ETFA: variants seen among roughly 807,000 people sequenced by gnomAD.
ETFA encodes electron transfer flavoprotein subunit alpha.
Under a neutral mutation model 46.2 loss-of-function variants are expected in ETFA, and 22 were observed. That is an observed-to-expected ratio of 0.48 (90% CI 0.34 to 0.68). ETFA has a LOEUF of 0.68. Among genes scored for constraint, ETFA ranks in the 30% least tolerant of loss-of-function variants. The pLI is 0.01. For missense variants in ETFA, 345 were observed against 401.1 expected (o/e 0.86, Z 1.19); for synonymous variants, 131 against 139.9 (o/e 0.94, Z 0.45).
chr15:76,225,663 A>T (rs541774048), intron 11 of ETFA, among the ~76,000 whole-genome samples, 186 bp downstream of exon 11: 1 of 152,224 alleles, frequency 6.6e-6, no homozygotes, highest in Non-Finnish European at 1.5e-5. Context: ...TAAACAACAC[A>T]TATCTACTCT....
chr15:76,273,801 C>T (rs2039566058), intron 9 of ETFA, among the ~76,000 whole-genome samples: 1 of 151,940 alleles, frequency 6.6e-6, no homozygotes, highest in Non-Finnish European at 1.5e-5. Flanking sequence ...ATCTGTATCA[C>T]CTAAGAAATA....
At chr15:76,246,205 C>T (rs1370246100) in intron 9 of ETFA, among the ~76,000 whole-genome samples, 3 of 152,212 alleles carry the variant, frequency 2.0e-5, no homozygotes, top group African/African-American at 7.2e-5. Context: ...TTTAATACTA[C>T]AGTATGAAGT....
intron 1 of ETFA, among the ~76,000 whole-genome samples, chr15:76,301,436 C>T (rs570164043): frequency 1.1e-4 from 17 of 152,214 alleles, no homozygotes; most frequent in Non-Finnish European, 2.2e-4. Context: ...GTTGGCCAGT[C>T]GCAGTGGCTC....
intron 4 of ETFA, among the ~76,000 whole-genome samples, chr15:76,288,920 C>CTTTTTCTTTTTTTTTTT (rs1555458856): frequency 9.1e-6 from 1 of 110,120 alleles, no homozygotes; most frequent in African/African-American, 3.4e-5. Context: ...TCTTCTTCTT[C>CTTTTTCTTTTTTTTTTT]TTTTTTTTTT....
rs556044524 is a variant in ETFA, at chr15:76,236,255, T to C, written c.817-4857A>G. ...ATCACTGTTAAGCCCCAAACAGAGT[T>C]ATTCGATACATCTATACTTATATAT... On this transcript the variant is annotated intron_variant, in intron 9 of 11. Coordinates refer to ENST00000557943, the MANE Select transcript of ETFA (RefSeq NM_000126.4). Among the ~76,000 whole-genome samples the C allele has an allele frequency of 3.9e-5, 6 of 152,346 alleles. No individual in the cohort carries two copies. In the South Asian group the frequency reaches 1.2e-3, roughly 32 times the overall value.
chr15:76,228,768 T>C, intron 10 of ETFA: 1 of 164,696 alleles, frequency 6.1e-6, no homozygotes, highest in Non-Finnish European at 1.3e-5. Context: ...TTTTTTTTTT[T>C]TTTTTAGATG....
At chr15:76,275,283 A>C (rs1440546268) in intron 8 of ETFA, among the ~76,000 whole-genome samples, 2 of 152,202 alleles carry the variant, frequency 1.3e-5, no homozygotes, top group African/African-American at 4.8e-5. Context: ...AATATCAGCG[A>C]AACTTAAGTT....
intron 9 of ETFA, among the ~76,000 whole-genome samples, chr15:76,270,213 G>C (rs986279587): frequency 6.6e-6 from 1 of 152,182 alleles, no homozygotes; most frequent in African/African-American, 2.4e-5. Context: ...ATCTATACAG[G>C]AAGACTATTC....
At position 76,296,192 on chromosome 15, in the gene ETFA, C is replaced by T. The variant is rs1000805990; in HGVS notation, c.40-455G>A. On this transcript the variant is annotated intron_variant, in intron 1 of 11. Coordinates refer to ENST00000557943, the MANE Select transcript of ETFA (RefSeq NM_000126.4). Reference sequence around the variant, plus strand: ...CTCCATCTCCTGACCTCGTGATCTGCCTGCCTCGGCCTCCAAAGTGCTGGG... The same window carrying T: ...CTCCATCTCCTGACCTCGTGATCTGTCTGCCTCGGCCTCCAAAGTGCTGGG... Among the ~76,000 whole-genome samples the T allele has an allele frequency of 3.9e-5, 6 of 151,984 alleles. No individual in the cohort carries two copies. The East Asian group carries it at 5.8e-4, about 15-fold the overall frequency.
chr15:76,292,018 C>G (rs932064159), intron 4 of ETFA, among the ~76,000 whole-genome samples: 2 of 152,144 alleles, frequency 1.3e-5, no homozygotes, highest in African/African-American at 4.8e-5. Context: ...ATGTCTTCAA[C>G]CACCACAAGC....
intron 9 of ETFA, among the ~76,000 whole-genome samples, chr15:76,268,888 G>A (rs1313902367): frequency 6.6e-6 from 1 of 152,136 alleles, no homozygotes; most frequent in Non-Finnish European, 1.5e-5. Context: ...TCAAAGTTGT[G>A]TTATGTTACT....
chr15:76,233,879 A>G (rs1223034203), intron 9 of ETFA, among the ~76,000 whole-genome samples: 2 of 152,240 alleles, frequency 1.3e-5, no homozygotes, highest in Non-Finnish European at 1.5e-5. Flanking sequence ...ACATGTCTAC[A>G]GCAAATTCAA....
chr15:76,271,093 C>T (rs147029303), intron 9 of ETFA, among the ~76,000 whole-genome samples: 3 of 151,034 alleles, frequency 2.0e-5, no homozygotes, highest in East Asian at 1.9e-4. Flanking sequence ...TCATTTGCAC[C>T]CTGAAGGCAG....
chr15:76,287,683 C>T (rs1201683547), intron 5 of ETFA, 163 bp downstream of exon 5: 1 of 581,676 alleles, frequency 1.7e-6, no homozygotes, highest in Non-Finnish European at 3.1e-6. Context: ...AATGCCATGT[C>T]AAGGGCCACC....
chr15:76,217,695 C>A lies in ETFA; in HGVS notation c.964-1098G>T, dbSNP rs116724809. On this transcript the variant is annotated intron_variant, in intron 11 of 11. Transcript: ENST00000557943. ...CAAGGGGGCTGCAGGGAATGTCACA[C>A]AGATACTCTGAAAACTGGTCCAGCC... 2,218 of 438,158 alleles carry A rather than the reference C, an allele frequency of 5.1e-3. 47 individuals carry two copies. Among genetic ancestry groups the A allele is most frequent in the African/African-American group, 0.042 (2,077 of 49,706 alleles). 27.1% of individuals were successfully genotyped at this position (438,158 alleles called of 1,614,324 possible).
chr15:76,222,361 G>C (rs1293914639), intron 11 of ETFA, among the ~76,000 whole-genome samples: 1 of 150,836 alleles, frequency 6.6e-6, no homozygotes, highest in Non-Finnish European at 1.5e-5. Flanking sequence ...TTAAATATTT[G>C]ATTTTTAAAA....
At chr15:76,224,876 A>G (rs1161386883) in intron 11 of ETFA, among the ~76,000 whole-genome samples, 1 of 152,200 alleles carries the variant, frequency 6.6e-6, no homozygotes, top group Non-Finnish European at 1.5e-5. Flanking sequence ...AATGTAGCCA[A>G]ATGAGTATCA....
intron 1 of ETFA, among the ~76,000 whole-genome samples, chr15:76,310,778 T>G (rs1439098661): frequency 6.6e-6 from 1 of 152,186 alleles, no homozygotes; most frequent in Non-Finnish European, 1.5e-5. Flanking sequence ...TACAATCACC[T>G]AAATTCAGCC....
chr15:76,239,391 G>A (rs921728305), intron 9 of ETFA, among the ~76,000 whole-genome samples: 1 of 152,002 alleles, frequency 6.6e-6, no homozygotes, highest in Non-Finnish European at 1.5e-5. Flanking sequence ...TACTTTTTGT[G>A]GTGAGAACAC....
Sources: gnomAD v4.1 joint callset for allele counts (sites outside exome capture counted in the v4.1 genomes callset) on GRCh38, gnomAD v4.1.1 for gene constraint, MANE v1.5 for transcripts, NCBI Gene and HGNC (gene_info 2026-07-23, HGNC 2026-07-21) for gene names.